The following NRXN1 variants were observed in gnomAD, a reference collection of about 807,000 sequenced individuals.
NRXN1 encodes the protein neurexin-1.
Under a neutral mutation model 150.9 loss-of-function variants are expected in NRXN1, and 39 were observed. The ratio of observed to expected loss-of-function variants is 0.26; its 90% CI spans 0.20 to 0.34. The LOEUF is 0.34. NRXN1 is among the 10% of genes least tolerant of loss of function. The probability of loss-of-function intolerance (pLI) is 1.00; values close to 1 mark genes in which losing one functional copy is unlikely to be tolerated. For synonymous variants in NRXN1, 924 were observed against 757.0 expected (o/e 1.22, Z -3.62); for missense variants, 1,815 against 1,949.9 (o/e 0.93, Z 1.30).
At chr2:50,677,333 T>G (rs1390416875) in intron 5 of NRXN1, among the ~76,000 whole-genome samples, 1 of 152,138 alleles carries the variant, frequency 6.6e-6, no homozygotes, top group Non-Finnish European at 1.5e-5. Flanking sequence ...CATGTCTGTG[T>G]GCAGGCTATT....
At chr2:50,441,633 A>G (rs547115820) in intron 17 of NRXN1, among the ~76,000 whole-genome samples, 1 of 152,290 alleles carries the variant, frequency 6.6e-6, no homozygotes, top group South Asian at 2.1e-4. Flanking sequence ...AGAAACAACA[A>G]ATCGTCTGTA....
At chr2:50,725,014 T>C (rs1315361828) in intron 5 of NRXN1, among the ~76,000 whole-genome samples, 1 of 152,122 alleles carries the variant, frequency 6.6e-6, no homozygotes, top group Non-Finnish European at 1.5e-5. Flanking sequence ...TAACTGCCTT[T>C]GTGGAGCTTG....
intron 15 of NRXN1, among the ~76,000 whole-genome samples, chr2:50,483,045 C>T (rs1398383312): frequency 7.2e-5 from 6 of 82,960 alleles, no homozygotes; most frequent in African/African-American, 2.4e-4. Context: ...GGAGAGACTC[C>T]GTGTCAAAAA....
intron 19 of NRXN1, among the ~76,000 whole-genome samples, chr2:50,078,612 C>T (rs1697444502): frequency 6.6e-6 from 1 of 152,060 alleles, no homozygotes; most frequent in South Asian, 2.1e-4. Context: ...TCCTTTGTCC[C>T]TTCAGATGTG....
At chr2:50,854,779 A>G (rs1187609985) in intron 5 of NRXN1, among the ~76,000 whole-genome samples, 2 of 152,054 alleles carry the variant, frequency 1.3e-5, no homozygotes, top group African/African-American at 2.4e-5. Context: ...TTTATAGCTA[A>G]TTCAGGCACA....
intron 15 of NRXN1, among the ~76,000 whole-genome samples, chr2:50,475,502 T>C (rs1041913822): frequency 6.6e-6 from 1 of 152,156 alleles, no homozygotes; most frequent in Non-Finnish European, 1.5e-5. Context: ...TGTTTTTCTA[T>C]TAAAAAACTT....
intron 5 of NRXN1, among the ~76,000 whole-genome samples, chr2:50,684,429 G>C (rs765130147): frequency 1.3e-5 from 2 of 151,900 alleles, no homozygotes; most frequent in African/African-American, 2.4e-5. Context: ...TTGAGTCCAG[G>C]AGGTCAAAAC....
At chr2:50,145,636 T>C (rs1563020) in intron 18 of NRXN1, among the ~76,000 whole-genome samples, 28,334 of 151,608 alleles carry the variant, frequency 0.19, 3,078 homozygotes, top group East Asian at 0.37. Flanking sequence ...GCGTAGGCTC[T>C]TAGCTGTGTC....
At chr2:50,535,699 A>G (rs1248994743) in intron 10 of NRXN1, among the ~76,000 whole-genome samples, 3 of 152,142 alleles carry the variant, frequency 2.0e-5, no homozygotes, top group African/African-American at 7.2e-5. Context: ...TATAGGATCA[A>G]TACATGTAAA....
intron 12 of NRXN1, among the ~76,000 whole-genome samples, chr2:50,511,691 T>C (rs1206323919): frequency 6.6e-6 from 1 of 152,176 alleles, no homozygotes; most frequent in Non-Finnish European, 1.5e-5. Context: ...TAAGAAGGGC[T>C]GGAGTTAACC....
intron 17 of NRXN1, among the ~76,000 whole-genome samples, chr2:50,306,230 G>A (rs2074596499): frequency 6.6e-6 from 1 of 152,192 alleles, no homozygotes; most frequent in Non-Finnish European, 1.5e-5. Flanking sequence ...AAATGTCAGT[G>A]AATTCATTGA....
chr2:50,581,297 G>A (rs1418167376), intron 8 of NRXN1, among the ~76,000 whole-genome samples: 2 of 152,194 alleles, frequency 1.3e-5, no homozygotes, highest in African/African-American at 2.4e-5. Flanking sequence ...TCAGGTTAAT[G>A]TGGCAGCACC....
chr2:49,981,539 T>TC (rs1056442199), intron 21 of NRXN1, among the ~76,000 whole-genome samples: 8 of 151,936 alleles, frequency 5.3e-5, no homozygotes, highest in East Asian at 1.9e-4. Flanking sequence ...TAAATCCTCT[T>TC]CCCCCCCACT....
At chr2:50,422,930 A>T (rs2084113871) in intron 17 of NRXN1, among the ~76,000 whole-genome samples, 1 of 152,162 alleles carries the variant, frequency 6.6e-6, no homozygotes, top group Admixed American at 6.6e-5. Flanking sequence ...GACTGATGTC[A>T]TACTGATTTT....
At chr2:50,709,958 T>C (rs1311603221) in intron 5 of NRXN1, among the ~76,000 whole-genome samples, 2 of 152,188 alleles carry the variant, frequency 1.3e-5, no homozygotes, top group African/African-American at 4.8e-5. Flanking sequence ...TTTGAGTTGA[T>C]ACATGTAAGA....
intron 5 of NRXN1, among the ~76,000 whole-genome samples, chr2:50,711,542 G>T (rs570562729): frequency 6.6e-6 from 1 of 151,864 alleles, no homozygotes; most frequent in Admixed American, 6.6e-5. Flanking sequence ...CATCATATTG[G>T]TCAGGGTGGT....
At chr2:50,283,800 C>T (rs2071769323) in intron 17 of NRXN1, among the ~76,000 whole-genome samples, 1 of 152,110 alleles carries the variant, frequency 6.6e-6, no homozygotes. Flanking sequence ...ATGGACATCT[C>T]CTGTAGCCCC....
intron 19 of NRXN1, among the ~76,000 whole-genome samples, chr2:50,088,479 C>T (rs189597800): frequency 9.9e-5 from 15 of 152,122 alleles, no homozygotes; most frequent in East Asian, 7.7e-4. Context: ...TTTTACCTTG[C>T]GTATATCCTT....
chr2:50,724,662 A>G (rs984750579), intron 5 of NRXN1, among the ~76,000 whole-genome samples: 1 of 152,188 alleles, frequency 6.6e-6, no homozygotes, highest in Non-Finnish European at 1.5e-5. Context: ...TATATAATAT[A>G]CAAAAAAGAA....
Sources: allele counts gnomAD v4.1 joint callset (sites outside exome capture counted in the v4.1 genomes callset), GRCh38; gene constraint gnomAD v4.1.1; transcripts MANE v1.5; gene names NCBI Gene and HGNC (gene_info 2026-07-23, HGNC 2026-07-21).